CPQ: variants seen among roughly 807,000 people sequenced by gnomAD.
The protein encoded by CPQ is Ser-Met dipeptidase.
In CPQ, 37 loss-of-function variants were observed where a neutral mutation model predicts 45.7. The observed-to-expected ratio is 0.81, with a 90% confidence interval of 0.62 to 1.07. CPQ has a LOEUF of 1.07. Among genes scored for constraint, CPQ ranks in the 50% least tolerant of loss-of-function variants. The probability of loss-of-function intolerance (pLI) is 0.00; values close to 1 mark genes in which losing one functional copy is unlikely to be tolerated. For missense variants in CPQ, 537 were observed against 572.9 expected, an observed-to-expected ratio of 0.94 and a Z score of 0.64; for synonymous variants, 186 against 205.8, an observed-to-expected ratio of 0.90 and a Z score of 0.82.
chr8:97,100,703 T>A (rs563571879), intron 7 of CPQ, among the ~76,000 whole-genome samples: 50 of 152,338 alleles, frequency 3.3e-4, no homozygotes, highest in Non-Finnish European at 2.2e-4. Context: ...AGAGCTTTTT[T>A]AAAACATGGT....
rs58338307 is a variant in CPQ, at chr8:96,717,024, AAT to A, written c.-34-67788_-34-67787del. ...TGGCTGAGCAGTATTCCATGATATAAATATATATATATATATATATATATATA... is the reference window on the plus strand; with the variant it reads ...TGGCTGAGCAGTATTCCATGATATAAATATATATATATATATATATATATA... On this transcript the variant is annotated intron_variant, in intron 1 of 7. Coordinates refer to ENST00000220763, the MANE Select transcript of CPQ (RefSeq NM_016134.4). 8.9e-3 allele frequency among the ~76,000 whole-genome samples: 501 copies of A among 56,360 alleles called. 1 individual carries two copies. Among genetic ancestry groups the A allele is most frequent in the Non-Finnish European group, 9.8e-3 (327 of 33,514 alleles). The allele number at this position is 56,360 out of a possible 152,430, so 37.0% of individuals were successfully genotyped here.
chr8:97,022,997 A>T (rs373801685), intron 5 of CPQ, among the ~76,000 whole-genome samples: 100 of 141,606 alleles, frequency 7.1e-4, no homozygotes, highest in Middle Eastern at 3.6e-3. Context: ...ATATATATAC[A>T]GTATATATAT....
intron 1 of CPQ, among the ~76,000 whole-genome samples, chr8:96,703,252 TAATA>T (rs1344303912): frequency 6.6e-6 from 1 of 152,180 alleles, no homozygotes; most frequent in Non-Finnish European, 1.5e-5. Context: ...GCAAAGATTA[TAATA>T]AATATGTCTT....
At chr8:96,937,522 G>T (rs1224394437) in intron 4 of CPQ, among the ~76,000 whole-genome samples, 1 of 152,170 alleles carries the variant, frequency 6.6e-6, no homozygotes, top group Non-Finnish European at 1.5e-5. Context: ...AGAGGAGATA[G>T]TAGTACTGGA....
At chr8:97,004,944 C>T (rs912620339) in intron 5 of CPQ, among the ~76,000 whole-genome samples, 5 of 151,902 alleles carry the variant, frequency 3.3e-5, no homozygotes, top group African/African-American at 1.2e-4. Context: ...GTGATTTATT[C>T]TATTTTAAGA....
At chr8:96,837,542 C>A (rs532584970) in intron 3 of CPQ, among the ~76,000 whole-genome samples, 4 of 152,008 alleles carry the variant, frequency 2.6e-5, no homozygotes, top group Non-Finnish European at 5.9e-5. Flanking sequence ...TTCTCTATTC[C>A]TTCCCTATAT....
intron 3 of CPQ, among the ~76,000 whole-genome samples, chr8:96,842,335 G>A (rs1811624071): frequency 6.6e-6 from 1 of 152,104 alleles, no homozygotes; most frequent in Non-Finnish European, 1.5e-5. Context: ...AAATATCATT[G>A]CAATTTGGGG....
intron 2 of CPQ, among the ~76,000 whole-genome samples, chr8:96,821,144 T>C (rs912017270): frequency 4.0e-5 from 6 of 148,848 alleles, no homozygotes; most frequent in African/African-American, 1.2e-4. Context: ...TTTTTTTTTT[T>C]TTTTTTTGCT....
intron 1 of CPQ, among the ~76,000 whole-genome samples, chr8:96,715,523 A>G (rs1452770891): frequency 6.6e-6 from 1 of 152,172 alleles, no homozygotes; most frequent in Admixed American, 6.5e-5. Context: ...AGGTGTACCC[A>G]CACGAAGCTC....
At chr8:96,717,053 A>ACG (rs1809688098) in intron 1 of CPQ, among the ~76,000 whole-genome samples, 2 of 107,178 alleles carry the variant, frequency 1.9e-5, no homozygotes, top group East Asian at 5.9e-4. Context: ...ATATATATAT[A>ACG]TATATATATA....
At chr8:97,102,646 C>T (rs1391393256) in intron 7 of CPQ, among the ~76,000 whole-genome samples, 3 of 152,124 alleles carry the variant, frequency 2.0e-5, no homozygotes, top group Non-Finnish European at 4.4e-5. Flanking sequence ...AATGACATTA[C>T]TGACATTTTT....
At chr8:96,810,828 C>T (rs777695930) in intron 2 of CPQ, among the ~76,000 whole-genome samples, 4 of 152,098 alleles carry the variant, frequency 2.6e-5, no homozygotes, top group African/African-American at 4.8e-5. Flanking sequence ...AATTGCTAAC[C>T]AGTGTATATA....
chr8:97,051,413 A>G (rs1810360252), intron 6 of CPQ, among the ~76,000 whole-genome samples: 2 of 152,218 alleles, frequency 1.3e-5, no homozygotes, highest in Admixed American at 6.5e-5. Flanking sequence ...TATGACTATG[A>G]TATCAAAGTA....
At chr8:96,667,307 G>T (rs1473190663) in intron 1 of CPQ, among the ~76,000 whole-genome samples, 2 of 149,090 alleles carry the variant, frequency 1.3e-5, no homozygotes, top group Admixed American at 1.3e-4. Flanking sequence ...GTGATTTTTT[G>T]ATTTCTCTAA....
At chr8:97,092,116 C>A (rs1157777315) in intron 7 of CPQ, among the ~76,000 whole-genome samples, 1 of 152,108 alleles carries the variant, frequency 6.6e-6, no homozygotes, top group Non-Finnish European at 1.5e-5. Flanking sequence ...TGATAAAGAG[C>A]AGCTAATGTT....
chr8:97,113,287 T>C (rs1811527967), intron 7 of CPQ, among the ~76,000 whole-genome samples: 2 of 152,050 alleles, frequency 1.3e-5, no homozygotes, highest in South Asian at 4.1e-4. Flanking sequence ...GAGGCTTGGC[T>C]CTGAAGGGAG....
intron 3 of CPQ, among the ~76,000 whole-genome samples, chr8:96,859,975 GAC>G (rs1249328097): frequency 6.6e-6 from 1 of 152,100 alleles, no homozygotes; most frequent in Admixed American, 6.6e-5. Context: ...TCTCCAAAAA[GAC>G]TTAAATTTAA....
At chr8:96,883,330 C>T (rs899163468) in intron 4 of CPQ, among the ~76,000 whole-genome samples, 2 of 152,094 alleles carry the variant, frequency 1.3e-5, no homozygotes, top group Non-Finnish European at 2.9e-5. Flanking sequence ...AATTTAAGTA[C>T]CCTTCTCTCT....
chr8:96,950,421 T>C (rs1813244053), intron 4 of CPQ, among the ~76,000 whole-genome samples: 1 of 152,070 alleles, frequency 6.6e-6, no homozygotes, highest in Admixed American at 6.6e-5. Context: ...TTGTGAGGAA[T>C]ACATGGGAAG....
Sources: gnomAD v4.1 joint callset for allele counts (sites outside exome capture counted in the v4.1 genomes callset) on GRCh38, gnomAD v4.1.1 for gene constraint, MANE v1.5 for transcripts, NCBI Gene and HGNC (gene_info 2026-07-23, HGNC 2026-07-21) for gene names.